The following KCNJ6 variants were observed in gnomAD, a reference collection of about 807,000 sequenced individuals.
KCNJ6 encodes the protein potassium inwardly rectifying channel subfamily J member 6.
KCNJ6 carries 9 observed loss-of-function variants against 34.2 expected under a neutral mutation model. The observed-to-expected ratio is 0.26, with a 90% CI of 0.16 to 0.46. The LOEUF is 0.46. Ranked by LOEUF, KCNJ6 falls within the 20% of genes least tolerant of loss-of-function variation. The probability of loss-of-function intolerance (pLI) is 1.00; values close to 1 mark genes in which losing one functional copy is unlikely to be tolerated. For missense variants in KCNJ6, 236 were observed against 531.3 expected (o/e 0.44, Z 5.46); for synonymous variants, 196 against 207.1 (o/e 0.95, Z 0.46).
At chr21:37,717,653 G>A (rs1331788378) in intron 2 of KCNJ6, among the ~76,000 whole-genome samples, 1 of 152,242 alleles carries the variant, frequency 6.6e-6, no homozygotes, top group Non-Finnish European at 1.5e-5. Flanking sequence ...CTCAAACTGT[G>A]CCTGGCTGGG....
At chr21:37,732,943 G>C (rs532622126) in intron 2 of KCNJ6, among the ~76,000 whole-genome samples, 3 of 152,252 alleles carry the variant, frequency 2.0e-5, no homozygotes, top group East Asian at 3.9e-4. Flanking sequence ...GCAAGAAAAG[G>C]GGGGGCTGGC....
At chr21:37,906,614 C>T (rs1288455667) in intron 1 of KCNJ6, among the ~76,000 whole-genome samples, 4 of 152,168 alleles carry the variant, frequency 2.6e-5, no homozygotes, top group African/African-American at 4.8e-5. Context: ...CAGGGACACA[C>T]TATGGGAACC....
At chr21:37,645,105 T>C (rs1005915209) in intron 3 of KCNJ6, among the ~76,000 whole-genome samples, 1 of 151,202 alleles carries the variant, frequency 6.6e-6, no homozygotes, top group African/African-American at 2.4e-5. Context: ...CTGGGTATGG[T>C]GGCTCAAACT....
chr21:37,802,072 G>T (rs925616535), intron 2 of KCNJ6, among the ~76,000 whole-genome samples: 2 of 152,166 alleles, frequency 1.3e-5, no homozygotes, highest in Admixed American at 1.3e-4. Context: ...CACATTTAGG[G>T]CTTTGACATC....
At chr21:37,894,310 C>T (rs1470140321) in intron 1 of KCNJ6, among the ~76,000 whole-genome samples, 2 of 152,140 alleles carry the variant, frequency 1.3e-5, no homozygotes, top group Admixed American at 6.5e-5. Context: ...TGCATTTTAA[C>T]AAGAGCCCCA....
intron 2 of KCNJ6, among the ~76,000 whole-genome samples, chr21:37,731,156 G>A (rs985877180): frequency 6.6e-6 from 1 of 151,292 alleles, no homozygotes; most frequent in Non-Finnish European, 1.5e-5. Context: ...TGTACAAGGT[G>A]AGAAAAAGTG....
At chr21:37,711,745 A>AG (rs2054753480) in intron 3 of KCNJ6, among the ~76,000 whole-genome samples, 2 of 152,026 alleles carry the variant, frequency 1.3e-5, no homozygotes, top group South Asian at 4.2e-4. Flanking sequence ...GATTCCCCTG[A>AG]GGAAAAGACC....
At chr21:37,909,326 T>G (rs1469020475) in intron 1 of KCNJ6, among the ~76,000 whole-genome samples, 1 of 151,974 alleles carries the variant, frequency 6.6e-6, no homozygotes, top group Non-Finnish European at 1.5e-5. Flanking sequence ...AAACATCTGC[T>G]ATTTTTAAAG....
At chr21:37,887,260 C>T (rs1199538148) in intron 1 of KCNJ6, among the ~76,000 whole-genome samples, 1 of 152,194 alleles carries the variant, frequency 6.6e-6, no homozygotes, top group Non-Finnish European at 1.5e-5. Flanking sequence ...ATACCTTACC[C>T]CAGAGTTAGC....
At chr21:37,864,407 G>A (rs540243114) in intron 1 of KCNJ6, among the ~76,000 whole-genome samples, 9 of 152,234 alleles carry the variant, frequency 5.9e-5, no homozygotes, top group Middle Eastern at 3.4e-3. Flanking sequence ...CACCATGGCC[G>A]GCCAGGAATA....
At chr21:37,761,743 G>A (rs747605704) in intron 2 of KCNJ6, among the ~76,000 whole-genome samples, 57 of 151,610 alleles carry the variant, frequency 3.8e-4, no homozygotes, top group Non-Finnish European at 6.8e-4. Flanking sequence ...TGTCGTGTGT[G>A]TGGTATGTGT....
chr21:37,800,172 T>G (rs373297228), intron 2 of KCNJ6, among the ~76,000 whole-genome samples: 66 of 152,298 alleles, frequency 4.3e-4, no homozygotes, highest in African/African-American at 1.5e-3. Flanking sequence ...CCGTGCCCTA[T>G]TTCCCTGGAA....
At chr21:37,823,186 A>C (rs1358177580) in intron 2 of KCNJ6, among the ~76,000 whole-genome samples, 1 of 152,114 alleles carries the variant, frequency 6.6e-6, no homozygotes, top group Non-Finnish European at 1.5e-5. Flanking sequence ...GGCCACCCCA[A>C]CACCAGGCCA....
intron 3 of KCNJ6, among the ~76,000 whole-genome samples, chr21:37,630,326 C>T (rs926789225): frequency 2.6e-4 from 40 of 152,244 alleles, no homozygotes; most frequent in East Asian, 7.7e-4. Context: ...GTCTGTTTTT[C>T]TTATTGTATT....
intron 2 of KCNJ6, among the ~76,000 whole-genome samples, chr21:37,744,242 A>C (rs966601791): frequency 1.3e-5 from 2 of 151,936 alleles, no homozygotes; most frequent in East Asian, 3.9e-4. Context: ...CAGCACACCA[A>C]CATGGCACAT....
chr21:37,627,617 C>T (rs1183246055), intron 3 of KCNJ6, among the ~76,000 whole-genome samples: 2 of 152,112 alleles, frequency 1.3e-5, no homozygotes, highest in South Asian at 2.1e-4. Flanking sequence ...GCAAGCTAAT[C>T]AAAGAACAAA....
intron 2 of KCNJ6, among the ~76,000 whole-genome samples, chr21:37,809,764 A>G (rs992636009): frequency 3.3e-5 from 5 of 152,150 alleles, no homozygotes; most frequent in African/African-American, 1.2e-4. Context: ...TGAGCATGGT[A>G]TGTGTGCTGC....
chr21:37,840,711 T>A lies in KCNJ6; in HGVS notation c.-27-2A>T. ...TGCAGTTTCTTCTTTGTGCTTTTCCTGGAGGTGAGAAGAAAAGACAATTAT... is the reference window on the plus strand; with the variant it reads ...TGCAGTTTCTTCTTTGTGCTTTTCCAGGAGGTGAGAAGAAAAGACAATTAT... On this transcript the variant is annotated splice_acceptor_variant, in intron 1 of 3. Transcript: ENST00000609713. LOFTEE classifies it low-confidence loss of function (5UTR_SPLICE). The A allele has an allele frequency of 6.4e-7, 1 of 1,565,092 alleles. No individual in the cohort carries two copies. Among genetic ancestry groups the A allele is most frequent in the Non-Finnish European group, 8.8e-7 (1 of 1,138,814 alleles).
At chr21:37,684,123 G>T (rs1019431564) in intron 3 of KCNJ6, among the ~76,000 whole-genome samples, 3 of 150,904 alleles carry the variant, frequency 2.0e-5, no homozygotes, top group Non-Finnish European at 4.4e-5. Flanking sequence ...TGGCTTGAAT[G>T]ACAGAAATGT....
Sources: allele counts gnomAD v4.1 joint callset (sites outside exome capture counted in the v4.1 genomes callset), GRCh38; gene constraint gnomAD v4.1.1; transcripts MANE v1.5; gene names NCBI Gene and HGNC (gene_info 2026-07-23, HGNC 2026-07-21).